The following RAB8B variants were observed in gnomAD, a reference collection of about 807,000 sequenced individuals.
RAB8B encodes RAB8B, member RAS oncogene family, also known as ras-related protein Rab-8B.
In RAB8B, 11 loss-of-function variants were observed where a neutral mutation model predicts 32.0. The observed-to-expected ratio is 0.34, with a 90% CI of 0.22 to 0.57. The LOEUF (loss-of-function observed/expected upper bound fraction) is 0.57, where lower values mean the gene tolerates loss of function less well. Ranked by LOEUF, RAB8B falls within the 20% of genes least tolerant of loss-of-function variation. RAB8B has a pLI of 0.86. For synonymous variants in RAB8B, 103 were observed against 89.6 expected (o/e 1.15, Z -0.85); for missense variants, 190 against 258.5 (o/e 0.73, Z 1.82).
intron 1 of RAB8B, among the ~76,000 whole-genome samples, chr15:63,218,643 A>T (rs532372829): frequency 6.6e-6 from 1 of 152,306 alleles, no homozygotes; most frequent in African/African-American, 2.4e-5. Flanking sequence ...CAGTTACCAC[A>T]CTACTGAACT....
At chr15:63,251,008 AC>A (rs1349757627) in intron 3 of RAB8B, among the ~76,000 whole-genome samples, 8 of 151,764 alleles carry the variant, frequency 5.3e-5, no homozygotes, top group African/African-American at 1.9e-4. Context: ...TTCCTCCTCC[AC>A]CACCACTTGC....
chr15:63,214,227 G>A (rs180778498), intron 1 of RAB8B, among the ~76,000 whole-genome samples: 1 of 149,688 alleles, frequency 6.7e-6, no homozygotes, highest in East Asian at 2.1e-4. Flanking sequence ...AGGAGTTTAA[G>A]TTTGAAAAAG....
intron 1 of RAB8B, among the ~76,000 whole-genome samples, chr15:63,233,763 G>C (rs1567016338): frequency 6.6e-6 from 1 of 152,074 alleles, no homozygotes; most frequent in Admixed American, 6.5e-5. Context: ...AGATAGCCTG[G>C]GATCACGTGT....
chr15:63,222,413 C>A (rs1002678861), intron 1 of RAB8B, among the ~76,000 whole-genome samples: 5 of 152,162 alleles, frequency 3.3e-5, no homozygotes, highest in Non-Finnish European at 7.4e-5. Context: ...CCTTATATAG[C>A]CAGTTCCCTC....
intron 3 of RAB8B, among the ~76,000 whole-genome samples, chr15:63,250,072 C>T (rs2038104469): frequency 6.6e-6 from 1 of 152,166 alleles, no homozygotes; most frequent in Admixed American, 6.5e-5. Context: ...GGAAGAGGAG[C>T]TTGCAGTGAG....
chr15:63,234,001 G>C (rs1025182789), intron 1 of RAB8B, among the ~76,000 whole-genome samples: 2 of 152,098 alleles, frequency 1.3e-5, no homozygotes, highest in African/African-American at 4.8e-5. Flanking sequence ...TCTCATGACT[G>C]CAGCCAAATT....
intron 5 of RAB8B, among the ~76,000 whole-genome samples, chr15:63,257,922 G>A (rs144834840): frequency 0.022 from 3,348 of 151,562 alleles, 112 homozygotes; most frequent in African/African-American, 0.074. Context: ...AGCCGGGCAT[G>A]GTGGCGTGCG....
At chr15:63,262,459 A>C (rs954211798) in intron 6 of RAB8B, among the ~76,000 whole-genome samples, 1 of 151,984 alleles carries the variant, frequency 6.6e-6, no homozygotes, top group East Asian at 1.9e-4. Flanking sequence ...AATAATGAAA[A>C]ATTCTGTATT....
At chr15:63,239,287 G>C (rs1567017580) in intron 1 of RAB8B, among the ~76,000 whole-genome samples, 1 of 151,926 alleles carries the variant, frequency 6.6e-6, no homozygotes, top group Non-Finnish European at 1.5e-5. Flanking sequence ...ATTTTAACAT[G>C]AATGTTAATC....
At chr15:63,209,265 A>G (rs2037726066) in intron 1 of RAB8B, among the ~76,000 whole-genome samples, 1 of 151,864 alleles carries the variant, frequency 6.6e-6, no homozygotes, top group African/African-American at 2.4e-5. Context: ...AAAAATTGTC[A>G]TTGAACTGAA....
intron 5 of RAB8B, 106 bp downstream of exon 5, chr15:63,256,700 C>G (rs2038161617): frequency 3.7e-6 from 3 of 809,068 alleles, no homozygotes; most frequent in South Asian, 3.6e-5. Flanking sequence ...TGTTTTAATC[C>G]CTTTAAATTG....
Position 63,259,840 on chromosome 15 carries a change from A to ATTTT in RAB8B, c.480+158_480+161dup. 1.9e-6 allele frequency: 1 copy of ATTTT among 534,712 alleles called. No homozygotes were observed. Among genetic ancestry groups the ATTTT allele is most frequent in the Admixed American group, 3.6e-5 (1 of 27,824 alleles). 33.1% of individuals were successfully genotyped at this position (534,712 alleles called of 1,614,324 possible). On this transcript the variant is annotated intron_variant, in intron 6 of 7. Coordinates refer to ENST00000321437, the MANE Select transcript of RAB8B (RefSeq NM_016530.3). The surrounding 1 kb of genome is among the most constrained non-coding windows in gnomAD (Gnocchi z 4.4). ...TACTTTGTACACTTTTGTGCTTCTG[A>ATTTT]TTTTTTTTTTTTTGAGATGGAGTCT...
chr15:63,246,177 A>C (rs1313362170), intron 2 of RAB8B, among the ~76,000 whole-genome samples: 1 of 152,138 alleles, frequency 6.6e-6, no homozygotes. Flanking sequence ...CCGGCCAATA[A>C]AATTTTTTAA....
rs967991134 is a variant in RAB8B, at chr15:63,249,686, C to T, written c.227C>T (p.Ala76Val). 3.1e-6 allele frequency: 5 copies of T among 1,613,554 alleles called. No individual in the cohort carries two copies. Among genetic ancestry groups the T allele is most frequent in the African/African-American group, 1.3e-5 (1 of 74,888 alleles). Residue 76 changes from alanine to valine, a missense_variant, in exon 3 of 8, where the codon GCG (alanine) becomes GTG (valine). This residue lies in a region of RAB8B where 80 missense variants were observed against 142.6 expected (regional missense o/e 0.56). Transcript: ENST00000321437. Reference protein sequence around the residue: ...GQERFRTITTAYYRGAMGIML... With the variant: ...GQERFRTITTVYYRGAMGIML... ...GAAAGATTCCGAACAATCACGACAGCGTACTACAGAGGAGCCATGGTGAGT... is the reference window on the plus strand; with the variant it reads ...GAAAGATTCCGAACAATCACGACAGTGTACTACAGAGGAGCCATGGTGAGT...
intron 2 of RAB8B, among the ~76,000 whole-genome samples, chr15:63,247,419 TGTCC>T (rs2038080620): frequency 6.6e-6 from 1 of 152,268 alleles, no homozygotes; most frequent in Non-Finnish European, 1.5e-5. Flanking sequence ...CTGAAGAATC[TGTCC>T]AACTACAGTG....
At chr15:63,230,357 A>T (rs545487370) in intron 1 of RAB8B, among the ~76,000 whole-genome samples, 13 of 152,196 alleles carry the variant, frequency 8.5e-5, no homozygotes, top group African/African-American at 2.9e-4. Flanking sequence ...GCTGGAGTGC[A>T]GTGGCTTGAT....
chr15:63,235,600 C>A (rs972944543), intron 1 of RAB8B, among the ~76,000 whole-genome samples: 1 of 151,102 alleles, frequency 6.6e-6, no homozygotes, highest in African/African-American at 2.4e-5. Flanking sequence ...TGAGTATTAT[C>A]CTTAATTTGT....
At chr15:63,226,449 CT>C (rs1308853546) in intron 1 of RAB8B, among the ~76,000 whole-genome samples, 1 of 152,174 alleles carries the variant, frequency 6.6e-6, no homozygotes, top group African/African-American at 2.4e-5. Context: ...CAGCCTTCAA[CT>C]TTGAGTCCTG....
intron 3 of RAB8B, 25 bp from the exon 4 acceptor site, chr15:63,255,482 A>G (rs757706736): frequency 2.0e-6 from 3 of 1,484,822 alleles, no homozygotes; most frequent in Non-Finnish European, 2.8e-6. Context: ...AAAGTACTAA[A>G]TAAAGATATT....
Sources: allele counts gnomAD v4.1 joint callset (sites outside exome capture counted in the v4.1 genomes callset), GRCh38; gene constraint gnomAD v4.1.1; regional missense constraint gnomAD v4.1.1; non-coding constraint Gnocchi (gnomAD v3.1); transcripts MANE v1.5; gene names NCBI Gene and HGNC (gene_info 2026-07-23, HGNC 2026-07-21).